Variants in PXDNL observed in about 807,000 individuals in gnomAD.
PXDNL encodes the protein probable oxidoreductase PXDNL.
A neutral mutation model predicts 150.8 loss-of-function variants in PXDNL; 145 were observed. That is an observed-to-expected ratio of 0.96 (90% CI 0.84 to 1.10). PXDNL has a LOEUF of 1.10. PXDNL is among the 50% of genes least tolerant of loss of function. PXDNL has a pLI of 0.00. For synonymous variants in PXDNL, 757 were observed against 725.7 expected (o/e 1.04, Z -0.69); for missense variants, 2,087 against 1,873.9 (o/e 1.11, Z -2.10).
rs907561696 is a variant in PXDNL at position 51,612,623 on chromosome 8, C to T, written c.237-19925G>A. Among the ~76,000 whole-genome samples the T allele has an allele frequency of 4.6e-5, 7 of 152,102 alleles. No individual in the cohort carries two copies. In the South Asian group the frequency reaches 6.2e-4, roughly 14 times the overall value. On this transcript the variant is annotated intron_variant, in intron 2 of 22. Transcript: ENST00000356297. ...GATCAGGTCATGAGGGAGGAGCTCC[C>T]TTTAATGGGATTAGCGCCCTTATAA...
At chr8:51,334,567 A>G (rs906665606) in intron 21 of PXDNL, among the ~76,000 whole-genome samples, 19 of 152,196 alleles carry the variant, frequency 1.2e-4, no homozygotes, top group African/African-American at 3.9e-4. Flanking sequence ...TTGATAGACC[A>G]TTAGCAAGAT....
intron 17 of PXDNL, among the ~76,000 whole-genome samples, chr8:51,393,011 G>C (rs1266140824): frequency 6.6e-6 from 1 of 152,144 alleles, no homozygotes; most frequent in African/African-American, 2.4e-5. Context: ...TGAGTTACAT[G>C]TCACTGACCA....
chr8:51,631,566 T>G (rs1814489113), intron 2 of PXDNL, among the ~76,000 whole-genome samples: 2 of 152,158 alleles, frequency 1.3e-5, no homozygotes, highest in Admixed American at 6.6e-5. Flanking sequence ...GGACACTAAA[T>G]AACAGCTCTA....
Position 51,684,605 on chromosome 8 carries a change from A to G in PXDNL, c.165-29845T>C, listed in dbSNP as rs554632651. ...TTTTGGAGATATGATTAAGGTTACT[A>G]ATCAGTTGACTTTGACTTAATAAAT... is the stretch of plus-strand genomic sequence containing the variant. On this transcript the variant is annotated intron_variant, in intron 1 of 22. Coordinates refer to ENST00000356297, the MANE Select transcript of PXDNL (RefSeq NM_144651.5). 3.2e-4 allele frequency among the ~76,000 whole-genome samples: 49 copies of G among 152,342 alleles called. 1 individual carries two copies. Among genetic ancestry groups the G allele is most frequent in the South Asian group, 3.1e-3 (15 of 4,826 alleles).
In PXDNL at chr8:51,628,811, A is replaced by T. The variant is rs546994760; in HGVS notation, c.236+25878T>A. Among the ~76,000 whole-genome samples, 5 of 152,296 alleles carry T rather than the reference A, an allele frequency of 3.3e-5. No homozygotes were observed. The East Asian group carries it at 7.7e-4, about 23-fold the overall frequency. On this transcript the variant is annotated intron_variant, in intron 2 of 22. Transcript: ENST00000356297. ...AGAACAGTCTTCAGAGACTACATGT[A>T]ACAAAAAGAAGACTTTACAAAAAAG... is the stretch of plus-strand genomic sequence containing the variant.
chr8:51,339,425 A>C (rs1341664439), intron 21 of PXDNL, among the ~76,000 whole-genome samples, 199 bp downstream of exon 21: 1 of 152,194 alleles, frequency 6.6e-6, no homozygotes, highest in Non-Finnish European at 1.5e-5. Context: ...GTGCTACTAC[A>C]TTCCATCCGG....
chr8:51,746,123 T>G (rs1347326700), intron 1 of PXDNL, among the ~76,000 whole-genome samples: 2 of 152,196 alleles, frequency 1.3e-5, no homozygotes, highest in Non-Finnish European at 2.9e-5. Context: ...TTAGCAAGAC[T>G]TCCATCTCCA....
intron 14 of PXDNL, among the ~76,000 whole-genome samples, chr8:51,413,592 A>C (rs552769369): frequency 9.3e-4 from 141 of 152,274 alleles, no homozygotes; most frequent in Non-Finnish European, 1.6e-3. Context: ...AGAAGGTATG[A>C]AATACCTATC....
chr8:51,341,620 G>A (rs763106901), intron 20 of PXDNL, among the ~76,000 whole-genome samples: 4 of 151,934 alleles, frequency 2.6e-5, no homozygotes, highest in Admixed American at 6.6e-5. Context: ...TCTCCATTTC[G>A]TCCTCCTCCT....
Position 51,665,054 on chromosome 8 carries a change from A to G in PXDNL, c.165-10294T>C, listed in dbSNP as rs181484465. Among the ~76,000 whole-genome samples, 383 of 152,316 alleles carry G rather than the reference A, an allele frequency of 2.5e-3. 1 individual carries two copies. Among genetic ancestry groups the G allele is most frequent in the African/African-American group, 8.9e-3 (371 of 41,568 alleles). On this transcript the variant is annotated intron_variant, in intron 1 of 22. Coordinates refer to ENST00000356297, the MANE Select transcript of PXDNL (RefSeq NM_144651.5). ...TGGTGGCAGCTGCCCTGCCAGCTGC[A>G]CCATCTGCTCGGGTGCCTCTTGCTG... is the stretch of plus-strand genomic sequence containing the variant.
At chr8:51,561,245 CA>C (rs1413935272) in intron 3 of PXDNL, among the ~76,000 whole-genome samples, 1 of 151,822 alleles carries the variant, frequency 6.6e-6, no homozygotes, top group Non-Finnish European at 1.5e-5. Flanking sequence ...AATTCCTAGG[CA>C]AATATACTTC....
intron 4 of PXDNL, among the ~76,000 whole-genome samples, chr8:51,539,785 A>T (rs1396768327): frequency 6.6e-6 from 1 of 152,142 alleles, no homozygotes; most frequent in Non-Finnish European, 1.5e-5. Context: ...TTTAATATGC[A>T]TATTATCTGT....
intron 3 of PXDNL, 81 bp downstream of exon 3, chr8:51,592,546 A>G: frequency 1.2e-6 from 1 of 818,842 alleles, no homozygotes; most frequent in South Asian, 1.7e-5. Flanking sequence ...GAATTATTTT[A>G]ATTTAAAGTA....
At chr8:51,390,014 A>G (rs2130834277) in intron 17 of PXDNL, among the ~76,000 whole-genome samples, 1 of 152,300 alleles carries the variant, frequency 6.6e-6, no homozygotes, top group East Asian at 1.9e-4. Context: ...GTAATTAAAA[A>G]TACAAAATAA....
intron 2 of PXDNL, among the ~76,000 whole-genome samples, chr8:51,608,852 A>AGAAAG (rs1453667078): frequency 6.7e-6 from 1 of 149,376 alleles, no homozygotes; most frequent in African/African-American, 2.5e-5. Flanking sequence ...AAAAAAAAAA[A>AGAAAG]AAAAAAAGAA....
chr8:51,480,397 A>G (rs543039093), intron 6 of PXDNL, among the ~76,000 whole-genome samples: 16 of 152,294 alleles, frequency 1.1e-4, no homozygotes, highest in Non-Finnish European at 1.3e-4. Context: ...GGCACTTCAC[A>G]TAGTGAAAGC....
intron 1 of PXDNL, among the ~76,000 whole-genome samples, chr8:51,668,234 G>A (rs959623463): frequency 3.0e-5 from 4 of 133,346 alleles, no homozygotes; most frequent in Non-Finnish European, 6.0e-5. Flanking sequence ...GCATGCAGTG[G>A]CGCTATCTCA....
At chr8:51,538,651 C>A (rs189938377) in intron 4 of PXDNL, among the ~76,000 whole-genome samples, 1 of 152,004 alleles carries the variant, frequency 6.6e-6, no homozygotes, top group Non-Finnish European at 1.5e-5. Context: ...TCTGTAATCC[C>A]AGCTACTCAG....
chr8:51,341,765 A>G (rs1298058071), intron 20 of PXDNL, among the ~76,000 whole-genome samples: 2 of 152,218 alleles, frequency 1.3e-5, no homozygotes, highest in Non-Finnish European at 1.5e-5. Flanking sequence ...CTCTAGAACT[A>G]CAATGACATA....
Sources: allele counts gnomAD v4.1 joint callset (sites outside exome capture counted in the v4.1 genomes callset), GRCh38; gene constraint gnomAD v4.1.1; transcripts MANE v1.5; gene names NCBI Gene and HGNC (gene_info 2026-07-23, HGNC 2026-07-21).